Variants in UBAP1 observed in about 807,000 individuals in gnomAD.
The protein encoded by UBAP1 is ubiquitin-associated protein 1.
In UBAP1, 5 loss-of-function variants were observed where a neutral mutation model predicts 39.0. The observed-to-expected ratio is 0.13, with a 90% CI of 0.07 to 0.27. The LOEUF is 0.27. Among genes scored for constraint, UBAP1 ranks in the 10% least tolerant of loss-of-function variants. The probability of loss-of-function intolerance (pLI) is 1.00; values close to 1 mark genes in which losing one functional copy is unlikely to be tolerated. For synonymous variants in UBAP1, 211 were observed against 225.1 expected, an observed-to-expected ratio of 0.94 and a Z score of 0.56; for missense variants, 490 against 608.1, an observed-to-expected ratio of 0.81 and a Z score of 2.04.
chr9:34,235,212 A>T (rs1833624951), intron 3 of UBAP1, among the ~76,000 whole-genome samples: 2 of 152,192 alleles, frequency 1.3e-5, no homozygotes, highest in Non-Finnish European at 2.9e-5. Context: ...AAGTTAAAAA[A>T]ATTTAATGTT....
chr9:34,235,326 TG>T (rs1382281317), intron 3 of UBAP1, among the ~76,000 whole-genome samples: 1 of 146,948 alleles, frequency 6.8e-6, no homozygotes, highest in Non-Finnish European at 1.5e-5. Context: ...TGTGTGTGTG[TG>T]TGTGTATATA....
intron 1 of UBAP1, among the ~76,000 whole-genome samples, chr9:34,189,735 C>A (rs940830311): frequency 2.6e-5 from 4 of 152,014 alleles, no homozygotes; most frequent in African/African-American, 9.7e-5. Flanking sequence ...CTCTTGGGTT[C>A]AAGCAGTTCT....
At chr9:34,188,423 CTTTTT>C (rs34942688) in intron 1 of UBAP1, among the ~76,000 whole-genome samples, 30 of 117,194 alleles carry the variant, frequency 2.6e-4, no homozygotes, top group Admixed American at 3.7e-4. Flanking sequence ...TAGTCTTCAG[CTTTTT>C]TTTTTTTTTT....
chr9:34,195,469 C>T (rs890746085), intron 1 of UBAP1, among the ~76,000 whole-genome samples: 1 of 151,998 alleles, frequency 6.6e-6, no homozygotes, highest in Non-Finnish European at 1.5e-5. Context: ...CTGTTCTATT[C>T]TATTGATCTG....
chr9:34,228,417 C>CAA lies in UBAP1; in HGVS notation c.35-5783_35-5782dup, dbSNP rs1182740329. On this transcript the variant is annotated intron_variant, in intron 2 of 6. Coordinates refer to ENST00000297661, the MANE Select transcript of UBAP1 (RefSeq NM_016525.5). ...TGGGCGACAGTGCGAGACTTCATCT[C>CAA]AAAAAAAAAAAAAAAAAGAAAAAGA... Among the ~76,000 whole-genome samples, 166 of 56,150 alleles carry CAA rather than the reference C, an allele frequency of 3.0e-3. 1 individual carries two copies. Among genetic ancestry groups the CAA allele is most frequent in the East Asian group, 0.012 (29 of 2,460 alleles). The allele number at this position is 56,150 out of a possible 152,430, so 36.8% of individuals were successfully genotyped here. A position where few individuals can be genotyped will look rare whatever the true frequency, so the allele number is the denominator to read the frequency against.
At chr9:34,185,837 C>T (rs1286379442) in intron 1 of UBAP1, among the ~76,000 whole-genome samples, 2 of 152,180 alleles carry the variant, frequency 1.3e-5, no homozygotes. Flanking sequence ...CAGAACGCAT[C>T]TCTGTCTCAA....
intron 3 of UBAP1, among the ~76,000 whole-genome samples, chr9:34,235,434 G>T (rs1335536970): frequency 1.3e-5 from 2 of 151,958 alleles, no homozygotes; most frequent in African/African-American, 2.4e-5. Context: ...TGCCTCCTGG[G>T]TTCACACCAT....
At chr9:34,228,736 A>ATTT (rs55715947) in intron 2 of UBAP1, among the ~76,000 whole-genome samples, 81 of 140,928 alleles carry the variant, frequency 5.7e-4, no homozygotes, top group South Asian at 9.1e-4. Context: ...TGCCTAGCTA[A>ATTT]TTTTTTTTTT....
At chr9:34,222,438 T>C (rs1832808640) in intron 2 of UBAP1, among the ~76,000 whole-genome samples, 2 of 152,196 alleles carry the variant, frequency 1.3e-5, no homozygotes, top group South Asian at 4.1e-4. Context: ...TCAGGTGAGC[T>C]ATTTCCTATT....
intron 1 of UBAP1, among the ~76,000 whole-genome samples, chr9:34,187,910 A>G (rs1032805614): frequency 9.9e-5 from 15 of 151,886 alleles, no homozygotes; most frequent in Non-Finnish European, 1.8e-4. Flanking sequence ...CTTAAGGTAT[A>G]TGTATAAATA....
intron 1 of UBAP1, among the ~76,000 whole-genome samples, chr9:34,216,809 G>C (rs1832348873): frequency 6.6e-6 from 1 of 151,784 alleles, no homozygotes; most frequent in South Asian, 2.1e-4. Flanking sequence ...ACCATGCTCG[G>C]CTAATGTTTG....
chr9:34,212,738 C>T (rs1426436801), intron 1 of UBAP1, among the ~76,000 whole-genome samples: 1 of 149,988 alleles, frequency 6.7e-6, no homozygotes, highest in African/African-American at 2.5e-5. Flanking sequence ...ACAAAAAAGT[C>T]CAGGACCAGA....
chr9:34,184,076 T>A (rs1830241855), intron 1 of UBAP1, among the ~76,000 whole-genome samples: 1 of 151,990 alleles, frequency 6.6e-6, no homozygotes, highest in Non-Finnish European at 1.5e-5. Flanking sequence ...GGCCCAGAAT[T>A]TCTTATAGGA....
intron 3 of UBAP1, among the ~76,000 whole-genome samples, chr9:34,240,571 C>G (rs1833906047): frequency 6.6e-6 from 1 of 152,054 alleles, no homozygotes; most frequent in Non-Finnish European, 1.5e-5. Context: ...GTTAAAGAAC[C>G]ATGAAGTGGC....
intron 1 of UBAP1, among the ~76,000 whole-genome samples, chr9:34,180,551 ATG>A (rs1157864565): frequency 1.3e-5 from 2 of 152,138 alleles, no homozygotes; most frequent in African/African-American, 4.8e-5. Context: ...AGAATGTGAA[ATG>A]TGTCAAGTCT....
At chr9:34,218,899 C>T (rs1246505781) in intron 1 of UBAP1, among the ~76,000 whole-genome samples, 1 of 152,066 alleles carries the variant, frequency 6.6e-6, no homozygotes, top group Non-Finnish European at 1.5e-5. Flanking sequence ...TGCCACTGCA[C>T]TCCAGCCTGG....
chr9:34,203,764 C>A (rs1831530278), intron 1 of UBAP1, among the ~76,000 whole-genome samples: 1 of 152,138 alleles, frequency 6.6e-6, no homozygotes, highest in Admixed American at 6.6e-5. Flanking sequence ...CCCCATAAAT[C>A]TTTGACACCG....
intron 1 of UBAP1, among the ~76,000 whole-genome samples, chr9:34,193,634 A>G (rs1587798343): frequency 6.6e-6 from 1 of 152,212 alleles, no homozygotes; most frequent in Non-Finnish European, 1.5e-5. Flanking sequence ...CATCTCACAG[A>G]ACTCAGGGAA....
intron 1 of UBAP1, among the ~76,000 whole-genome samples, chr9:34,184,880 C>G: frequency 6.6e-6 from 1 of 151,210 alleles, no homozygotes; most frequent in Non-Finnish European, 1.5e-5. Flanking sequence ...CCTCGGCCTC[C>G]CAAAGTGCTG....
Sources: gnomAD v4.1 joint callset for allele counts (sites outside exome capture counted in the v4.1 genomes callset) on GRCh38, gnomAD v4.1.1 for gene constraint, MANE v1.5 for transcripts, NCBI Gene and HGNC (gene_info 2026-07-23, HGNC 2026-07-21) for gene names.